Variants in NTRK1 observed in about 807,000 individuals in gnomAD.
The protein encoded by NTRK1 is neurotrophic receptor tyrosine kinase 1.
Under a neutral mutation model 86.8 loss-of-function variants are expected in NTRK1, and 62 were observed. The observed-to-expected ratio is 0.71, with a 90% CI of 0.58 to 0.88. The LOEUF is 0.88. Ranked by LOEUF, NTRK1 falls within the 40% of genes least tolerant of loss-of-function variation. NTRK1 has a pLI of 0.00. For missense variants in NTRK1, 967 were observed against 1,078.4 expected (o/e 0.90, Z 1.45); for synonymous variants, 469 against 456.6 (o/e 1.03, Z -0.35).
At chr1:156,816,730 C>T (rs1328385393) in intron 1 of NTRK1, 3 of 1,589,470 alleles carry the variant, frequency 1.9e-6, no homozygotes, top group Non-Finnish European at 2.6e-6. Flanking sequence ...CACAAGGGAT[C>T]CCAGAGCAGG....
chr1:156,820,864 T>A (rs1350616143), intron 1 of NTRK1, among the ~76,000 whole-genome samples: 2 of 152,230 alleles, frequency 1.3e-5, no homozygotes, highest in Non-Finnish European at 2.9e-5. Flanking sequence ...AATCTGTAGA[T>A]TGCTTTGGGC....
chr1:156,849,651 T>C (rs928372231), intron 2 of NTRK1, among the ~76,000 whole-genome samples: 10 of 152,178 alleles, frequency 6.6e-5, no homozygotes, highest in African/African-American at 2.4e-4. Flanking sequence ...GAGTATGATG[T>C]CTGCCAAGTC....
chr1:156,860,737 C>A, upstream of NTRK1: 1 of 1,061,094 alleles, frequency 9.4e-7, no homozygotes, highest in Non-Finnish European at 1.2e-6. Flanking sequence ...GGGGAGGGGG[C>A]AGAGGGGGGG....
chr1:156,846,225 G>T, intron 2 of NTRK1: 1 of 1,208,026 alleles, frequency 8.3e-7, no homozygotes, highest in Non-Finnish European at 1.1e-6. Flanking sequence ...TTCTCCCAAA[G>T]AATAGGTGAT....
At chr1:156,829,493 C>T (rs1654408068) in intron 1 of NTRK1, among the ~76,000 whole-genome samples, 2 of 152,204 alleles carry the variant, frequency 1.3e-5, no homozygotes, top group South Asian at 4.2e-4. Context: ...CAGAGAGTTC[C>T]AGAGTCCTGG....
chr1:156,868,287 G>A (rs752885970), intron 5 of NTRK1, 38 bp downstream of exon 5: 8 of 1,600,654 alleles, frequency 5.0e-6, no homozygotes, highest in South Asian at 1.1e-5. Context: ...AAGGGGGCTG[G>A]GGAAGAGACC....
chr1:156,835,479 T>C (rs1654575431), intron 1 of NTRK1, among the ~76,000 whole-genome samples: 2 of 151,950 alleles, frequency 1.3e-5, no homozygotes, highest in East Asian at 3.9e-4. Context: ...ATGAATAATG[T>C]ATGTTCTTTA....
In NTRK1 at chr1:156,871,876, C is replaced by G. The variant is rs539964393; in HGVS notation, c.850+121C>G. On this transcript the variant is annotated intron_variant, in intron 7 of 16. Transcript: ENST00000524377. ...TGTGTGTCTCCACAGCTGCTCCCTC[C>G]CAGCTGTTTCCAGATTCCCATGAAA... 17 of 1,322,406 alleles carry G rather than the reference C, an allele frequency of 1.3e-5. No homozygotes were observed. The South Asian group carries it at 2.0e-4, about 15-fold the overall frequency. The allele number at this position is 1,322,406 out of a possible 1,614,324, so 81.9% of individuals were successfully genotyped here. A position where few individuals can be genotyped will look rare whatever the true frequency, so the allele number is the denominator to read the frequency against.
At chr1:156,851,544 A>G (rs1406113426) in intron 2 of NTRK1, 3 of 1,606,532 alleles carry the variant, frequency 1.9e-6, no homozygotes, top group African/African-American at 2.7e-5. Flanking sequence ...ACTGGGACCC[A>G]GGATGATGGA....
intron 12 of NTRK1, 29 bp downstream of exon 12, chr1:156,875,695 G>A (rs1467003586): frequency 1.3e-6 from 2 of 1,584,570 alleles, no homozygotes; most frequent in Admixed American, 1.8e-5. Flanking sequence ...TCAAGGGCAG[G>A]GACGAGTGTG....
intron 1 of NTRK1, chr1:156,816,116 C>T (rs1456726126): frequency 6.2e-7 from 1 of 1,602,594 alleles, no homozygotes; most frequent in Non-Finnish European, 8.5e-7. Flanking sequence ...AAGAGGGCTG[C>T]CGGGGTTTCT....
chr1:156,881,446 G>A lies in NTRK1; in HGVS notation c.2206-11G>A, dbSNP rs1553263326. ...AGTGGGCTTTCTCCTCTGTCTCTCC[G>A]GTGGCCCCAGGCAATCGACTGCATC... On this transcript the variant is annotated splice_polypyrimidine_tract_variant and intron_variant, in intron 16 of 16. Transcript: ENST00000524377. 1.9e-6 allele frequency: 3 copies of A among 1,556,064 alleles called. No individual in the cohort carries two copies. The highest frequency in any genetic ancestry group is 2.6e-6 in the Non-Finnish European group (3 of 1,149,848).
At chr1:156,844,961 G>T in intron 2 of NTRK1, 1 of 1,548,504 alleles carries the variant, frequency 6.5e-7, no homozygotes, top group South Asian at 1.2e-5. Flanking sequence ...TATGGGAACT[G>T]AGAGGGGCAA....
chr1:156,866,962 C>A lies in NTRK1; in HGVS notation c.412C>A (p.Leu138Ile). 6.2e-7 allele frequency: 1 copy of A among 1,614,248 alleles called. No homozygotes were observed. The highest frequency in any genetic ancestry group is 8.5e-7 in the Non-Finnish European group (1 of 1,180,038). Residue 138 changes from leucine (L) to isoleucine (I), a missense_variant, in exon 4 of 17, where the codon CTC becomes ATC. Transcript: ENST00000524377. ...TCTCTCCTGGAAAACTGTGCAGGGCCTCTCCTTACAGGAACTGTGAGTGGG... is the reference window on the plus strand; with the variant it reads ...TCTCTCCTGGAAAACTGTGCAGGGCATCTCCTTACAGGAACTGTGAGTGGG... ...ESLSWKTVQG[L>I]SLQELVLSGN...
At chr1:156,827,491 AC>A (rs1456448924) in intron 1 of NTRK1, among the ~76,000 whole-genome samples, 1 of 152,060 alleles carries the variant, frequency 6.6e-6, no homozygotes, top group Non-Finnish European at 1.5e-5. Flanking sequence ...CGAACTCTTG[AC>A]CTCAGGTGAT....
intron 1 of NTRK1, chr1:156,816,037 C>T (rs377668169): frequency 8.5e-5 from 137 of 1,613,902 alleles, no homozygotes; most frequent in African/African-American, 1.3e-4. Context: ...GCAGCTCCTG[C>T]GGGTCATGTC....
At chr1:156,845,885 G>T (rs1395655332) in intron 2 of NTRK1, 1 of 1,598,044 alleles carries the variant, frequency 6.3e-7, no homozygotes, top group Non-Finnish European at 8.5e-7. Context: ...CACCTGCCGG[G>T]GCCCTGCGCC....
chr1:156,879,409 G>A (rs2102925578), intron 15 of NTRK1, 47 bp downstream of exon 15: 2 of 1,569,614 alleles, frequency 1.3e-6, no homozygotes, highest in Non-Finnish European at 1.7e-6. Flanking sequence ...CCAAACTGTA[G>A]ACACCCTGGA....
intron 1 of NTRK1, among the ~76,000 whole-genome samples, chr1:156,821,794 G>A (rs1287305010): frequency 6.6e-6 from 1 of 152,182 alleles, no homozygotes; most frequent in Non-Finnish European, 1.5e-5. Context: ...AAGGGAGAAA[G>A]GAGGAGCGAT....
Sources: gnomAD v4.1 joint callset for allele counts (sites outside exome capture counted in the v4.1 genomes callset) on GRCh38, gnomAD v4.1.1 for gene constraint, MANE v1.5 for transcripts, NCBI Gene and HGNC (gene_info 2026-07-23, HGNC 2026-07-21) for gene names.